TRAPPC13: variants seen among roughly 807,000 people sequenced by gnomAD.
TRAPPC13 encodes trafficking protein particle complex subunit 13, also known as REV7-interacting novel NHEJ regulator 1.
TRAPPC13 carries 39 observed loss-of-function variants against 54.0 expected under a neutral mutation model. The observed-to-expected ratio is 0.72, with a 90% CI of 0.56 to 0.94. The LOEUF is 0.94. Among genes scored for constraint, TRAPPC13 ranks in the 40% least tolerant of loss-of-function variants. The pLI is 0.00. For missense variants in TRAPPC13, 386 were observed against 488.1 expected, an observed-to-expected ratio of 0.79 and a Z score of 1.97; for synonymous variants, 148 against 167.7, an observed-to-expected ratio of 0.88 and a Z score of 0.91.
At chr5:65,645,376 G>A (rs1176087978) in intron 4 of TRAPPC13, among the ~76,000 whole-genome samples, 1 of 152,038 alleles carries the variant, frequency 6.6e-6, no homozygotes, top group Non-Finnish European at 1.5e-5. Context: ...TTAGAACAGG[G>A]CCTTGCACAT....
intron 6 of TRAPPC13, 77 bp from the exon 7 acceptor site, chr5:65,652,424 T>C: frequency 4.9e-6 from 5 of 1,026,098 alleles, no homozygotes; most frequent in Non-Finnish European, 5.9e-6. Context: ...CTGACAAACT[T>C]ACACTATTTG....
intron 7 of TRAPPC13, among the ~76,000 whole-genome samples, chr5:65,653,593 G>A (rs560369572): frequency 3.3e-5 from 5 of 152,206 alleles, no homozygotes; most frequent in African/African-American, 1.2e-4. Flanking sequence ...AAGAGCTCTC[G>A]GGAATGTGAT....
Position 65,664,331 on chromosome 5 carries a change from A to T in TRAPPC13, c.1093A>T (p.Ser365Cys). ...AAGACAGCTGGGAAAGCTGCATCCA[A>T]GTTCTTCGCTCTGTCTTGCCCTTAC... ...SGRQLGKLHPSSSLCLALTLL... is the reference protein window; with the variant it reads ...SGRQLGKLHPCSSLCLALTLL... Residue 365 changes from serine (S) to cysteine (C), a missense_variant, in exon 12 of 13, where the codon AGT (serine) becomes TGT (cysteine). Transcript: ENST00000399438. 6.2e-7 allele frequency: 1 copy of T among 1,613,956 alleles called. No homozygotes were observed. Among genetic ancestry groups the T allele is most frequent in the Admixed American group, 1.7e-5 (1 of 60,020 alleles).
chr5:65,655,501 ACTTT>A (rs1756619703), intron 7 of TRAPPC13, 131 bp from the exon 8 acceptor site: 1 of 279,036 alleles, frequency 3.6e-6, no homozygotes, highest in Non-Finnish European at 6.7e-6. Flanking sequence ...CTTCCTGTTT[ACTTT>A]CTTATTTACT....
intron 11 of TRAPPC13, 173 bp downstream of exon 11, chr5:65,662,323 T>C (rs2150694354): frequency 2.0e-6 from 1 of 493,682 alleles, no homozygotes; most frequent in South Asian, 3.2e-5. Context: ...TAATTACATA[T>C]TTTTAAGGGC....
chr5:65,662,398 T>C (rs1184403086), intron 11 of TRAPPC13: 1 of 291,662 alleles, frequency 3.4e-6, no homozygotes, highest in East Asian at 6.5e-5. Flanking sequence ...AGGTAGGTAT[T>C]CATTGTTTAT....
chr5:65,637,330 A>C (rs1404840128), intron 3 of TRAPPC13, among the ~76,000 whole-genome samples: 1 of 152,198 alleles, frequency 6.6e-6, no homozygotes, highest in East Asian at 1.9e-4. Flanking sequence ...ATTCTCAAAC[A>C]GATTATTTAA....
At chr5:65,645,112 C>T (rs1381605042) in intron 4 of TRAPPC13, among the ~76,000 whole-genome samples, 1 of 147,078 alleles carries the variant, frequency 6.8e-6, no homozygotes, top group Non-Finnish European at 1.5e-5. Context: ...GCAGGAGAAT[C>T]GCCTGAACCT....
intron 10 of TRAPPC13, chr5:65,661,323 T>C (rs11740291): frequency 0.014 from 2,135 of 153,436 alleles, 17 homozygotes; most frequent in Non-Finnish European, 0.021. Flanking sequence ...AGAAGGTGAG[T>C]TCTACTAAAG....
At chr5:65,661,094 A>G (rs868588892) in intron 10 of TRAPPC13, 197 bp downstream of exon 10, 1 of 474,152 alleles carries the variant, frequency 2.1e-6, no homozygotes, top group Middle Eastern at 5.0e-4. Flanking sequence ...AAATGGTCAA[A>G]TGTTAATTTA....
chr5:65,635,734 AT>A (rs1174792196), intron 2 of TRAPPC13, among the ~76,000 whole-genome samples: 1 of 151,124 alleles, frequency 6.6e-6, no homozygotes, highest in African/African-American at 2.4e-5. Flanking sequence ...CATGACGTAC[AT>A]TTTTCTTTGT....
chr5:65,640,662 G>A (rs182164339), intron 4 of TRAPPC13, among the ~76,000 whole-genome samples: 125 of 152,214 alleles, frequency 8.2e-4, no homozygotes, highest in Non-Finnish European at 1.5e-3. Flanking sequence ...GAATTTCTTG[G>A]AATTCAGTAA....
chr5:65,647,042 A>ATTTT lies in TRAPPC13; in HGVS notation c.301-13_301-12insTTTT. 2.0e-6 allele frequency: 3 copies of ATTTT among 1,497,616 alleles called. No homozygotes were observed. 92.8% of individuals were successfully genotyped at this position (1,497,616 alleles called of 1,614,324 possible). On this transcript the variant is annotated splice_polypyrimidine_tract_variant and intron_variant, in intron 4 of 12. Coordinates refer to ENST00000399438, the MANE Select transcript of TRAPPC13 (RefSeq NM_024941.4). ...CATTTGGACTTTTTTTTTTTTTTTA[A>ATTTT]CTTTCTTTCAAGGCTGATCTTCAGA...
chr5:65,648,474 A>G (rs1756294535), intron 5 of TRAPPC13, among the ~76,000 whole-genome samples: 1 of 152,224 alleles, frequency 6.6e-6, no homozygotes, highest in Non-Finnish European at 1.5e-5. Flanking sequence ...AACAGAAGTC[A>G]GTATTTATTG....
intron 6 of TRAPPC13, among the ~76,000 whole-genome samples, chr5:65,651,646 T>TGGGGGG (rs531254946): frequency 2.8e-5 from 4 of 142,444 alleles, no homozygotes; most frequent in Non-Finnish European, 6.1e-5. Flanking sequence ...CACATTTATG[T>TGGGGGG]GGGGGGGGTG....
intron 5 of TRAPPC13, among the ~76,000 whole-genome samples, chr5:65,649,173 G>A (rs1417397497): frequency 5.9e-5 from 9 of 152,090 alleles, no homozygotes; most frequent in African/African-American, 1.7e-4. Flanking sequence ...CCATGATCAC[G>A]CCACTGCTCT....
At chr5:65,647,772 C>T (rs2150680066) in intron 5 of TRAPPC13, among the ~76,000 whole-genome samples, 1 of 152,204 alleles carries the variant, frequency 6.6e-6, no homozygotes, top group Middle Eastern at 3.4e-3. Flanking sequence ...AGTCAGTTCA[C>T]AAAATCCTAT....
At chr5:65,663,596 T>C in intron 11 of TRAPPC13, 1 of 152,180 alleles carries the variant, frequency 6.6e-6, no homozygotes. Flanking sequence ...TGAATGGTGG[T>C]AGGAGACTAT....
At chr5:65,638,568 G>A (rs1561766685) in intron 4 of TRAPPC13, among the ~76,000 whole-genome samples, 2 of 152,182 alleles carry the variant, frequency 1.3e-5, no homozygotes, top group African/African-American at 2.4e-5. Flanking sequence ...GAGTCCGTAA[G>A]GTGGTACAGA....
Sources: allele counts gnomAD v4.1 joint callset (sites outside exome capture counted in the v4.1 genomes callset), GRCh38; gene constraint gnomAD v4.1.1; transcripts MANE v1.5; gene names NCBI Gene and HGNC (gene_info 2026-07-23, HGNC 2026-07-21).